Variants in CSMD3 observed in about 807,000 individuals in gnomAD.
CSMD3 encodes the protein CUB and Sushi multiple domains 3, also known as CUB and sushi domain-containing protein 3.
A neutral mutation model predicts 435.2 loss-of-function variants in CSMD3; 177 were observed. That is an observed-to-expected ratio of 0.41 (90% CI 0.36 to 0.46). The LOEUF is 0.46. Among genes scored for constraint, CSMD3 ranks in the 20% least tolerant of loss-of-function variants. The pLI is 0.34. For missense variants in CSMD3, 4,265 were observed against 4,504.6 expected (o/e 0.95, Z 1.52); for synonymous variants, 1,656 against 1,520.5 (o/e 1.09, Z -2.07).
At chr8:113,270,940 C>A (rs555352358) in intron 3 of CSMD3, among the ~76,000 whole-genome samples, 2 of 150,854 alleles carry the variant, frequency 1.3e-5, no homozygotes, top group African/African-American at 4.9e-5. Context: ...CAAACTTGCA[C>A]GTTGTGCACA....
chr8:113,032,533 G>A (rs1196103098), intron 5 of CSMD3, among the ~76,000 whole-genome samples: 2 of 151,590 alleles, frequency 1.3e-5, no homozygotes, highest in African/African-American at 4.8e-5. Context: ...AAGCATTCAA[G>A]AGGTGACCTG....
intron 16 of CSMD3, among the ~76,000 whole-genome samples, chr8:112,676,705 G>A (rs866175720): frequency 1.8e-4 from 28 of 152,088 alleles, no homozygotes; most frequent in Admixed American, 4.6e-4. Context: ...TTCAGGAACT[G>A]TTTCCTTCTG....
chr8:113,258,795 G>T (rs1046425708), intron 3 of CSMD3, among the ~76,000 whole-genome samples: 6 of 152,108 alleles, frequency 3.9e-5, no homozygotes, highest in Non-Finnish European at 8.8e-5. Context: ...GAAAGCTAGG[G>T]AACTTGTTAG....
chr8:112,923,101 C>T (rs1274106965), intron 9 of CSMD3, among the ~76,000 whole-genome samples: 5 of 152,046 alleles, frequency 3.3e-5, no homozygotes, highest in Admixed American at 3.3e-4. Context: ...ATTTTTCAGC[C>T]CTACAGTGTT....
chr8:112,457,556 T>G (rs1816963758), intron 32 of CSMD3, among the ~76,000 whole-genome samples: 1 of 152,126 alleles, frequency 6.6e-6, no homozygotes, highest in Non-Finnish European at 1.5e-5. Context: ...ATTTAAATGT[T>G]CAAGAAATGT....
At chr8:112,853,818 G>A (rs929758660) in intron 11 of CSMD3, among the ~76,000 whole-genome samples, 22 of 152,078 alleles carry the variant, frequency 1.4e-4, no homozygotes, top group Non-Finnish European at 2.9e-5. Context: ...CTTAGCTCTA[G>A]CCAACCCTTC....
At chr8:112,771,831 A>C (rs920804476) in intron 13 of CSMD3, among the ~76,000 whole-genome samples, 8 of 151,612 alleles carry the variant, frequency 5.3e-5, no homozygotes, top group African/African-American at 1.9e-4. Context: ...ATGAATAGGA[A>C]TAGAAAAAAG....
At chr8:112,625,108 T>A (rs144931569) in intron 22 of CSMD3, among the ~76,000 whole-genome samples, 140 of 152,136 alleles carry the variant, frequency 9.2e-4, no homozygotes, top group African/African-American at 3.2e-3. Context: ...GAGAAACAAA[T>A]CTGTAATGAC....
chr8:113,147,180 G>A (rs185888926), intron 4 of CSMD3, among the ~76,000 whole-genome samples: 1 of 151,616 alleles, frequency 6.6e-6, no homozygotes, highest in Non-Finnish European at 1.5e-5. Context: ...AGAAATAAAA[G>A]GAATATTATT....
intron 43 of CSMD3, among the ~76,000 whole-genome samples, chr8:112,337,276 G>A (rs536722078): frequency 6.6e-6 from 1 of 152,154 alleles, no homozygotes; most frequent in South Asian, 2.1e-4. Flanking sequence ...AAACCCACAT[G>A]CACCCCCTTC....
intron 5 of CSMD3, among the ~76,000 whole-genome samples, chr8:113,039,336 C>T (rs1213899532): frequency 6.6e-6 from 1 of 152,064 alleles, no homozygotes; most frequent in Admixed American, 6.5e-5. Flanking sequence ...ATATAACCTA[C>T]TTTCAGATAA....
Position 112,265,587 on chromosome 8 carries a change from A to T in CSMD3, c.9512T>A (p.Ile3171Asn), listed in dbSNP as rs927593892. The T allele has an allele frequency of 6.2e-7, 1 of 1,610,486 alleles. No homozygotes were observed. The highest frequency in any genetic ancestry group is 8.5e-7 in the Non-Finnish European group (1 of 1,176,810). ...TGGTATACCTGGGTCTCCACAACTG[A>T]TTACTGTCAGTATTGGATTAGAAGA... is the stretch of plus-strand genomic sequence containing the variant. ...WSGTLPNCTI[I>N]SCGDPGIPAN... The change falls in exon 60 of 71, where the codon ATC becomes AAC. Residue 3171 changes from isoleucine to asparagine, a missense_variant. Physicochemically the swap from Ile to Asn is moderately radical, Grantham distance 149. Transcript: ENST00000297405.
intron 27 of CSMD3, among the ~76,000 whole-genome samples, chr8:112,540,909 G>T (rs1199693460): frequency 6.6e-6 from 1 of 152,000 alleles, no homozygotes. Context: ...AAAATAGCTA[G>T]AAGAGAATAT....
Position 113,013,290 on chromosome 8 carries a change from T to A in CSMD3, c.1030+5777A>T, listed in dbSNP as rs73349963. ...AAATATAAAGCCTAGTGTTTTATCTTTTTAACTGTAGCTCCTGGATTCAAA... is the reference window on the plus strand; with the variant it reads ...AAATATAAAGCCTAGTGTTTTATCTATTTAACTGTAGCTCCTGGATTCAAA... On this transcript the variant is annotated intron_variant, in intron 6 of 70. Transcript: ENST00000297405. 3.5e-3 allele frequency among the ~76,000 whole-genome samples: 537 copies of A among 152,234 alleles called. 3 individuals carry two copies. Among genetic ancestry groups the A allele is most frequent in the African/African-American group, 0.012 (502 of 41,568 alleles).
intron 45 of CSMD3, among the ~76,000 whole-genome samples, chr8:112,332,182 A>G (rs975126360): frequency 2.6e-5 from 4 of 152,170 alleles, no homozygotes; most frequent in African/African-American, 7.2e-5. Context: ...ACAGTCAATA[A>G]ACTCCTAAGG....
intron 13 of CSMD3, among the ~76,000 whole-genome samples, chr8:112,701,593 T>C (rs4876487): frequency 0.33 from 50,656 of 151,938 alleles, 9,338 homozygotes; most frequent in African/African-American, 0.5. Context: ...GATGGTCATA[T>C]TAATTTTAAG....
At chr8:112,806,797 C>A (rs185017534) in intron 12 of CSMD3, among the ~76,000 whole-genome samples, 5 of 152,186 alleles carry the variant, frequency 3.3e-5, no homozygotes, top group African/African-American at 1.2e-4. Flanking sequence ...CACTACTTCA[C>A]TGATAACATA....
intron 13 of CSMD3, among the ~76,000 whole-genome samples, chr8:112,726,535 A>G (rs111336182): frequency 2.0e-5 from 3 of 152,006 alleles, no homozygotes; most frequent in African/African-American, 7.2e-5. Context: ...AGAGAAGATC[A>G]TATATTTTTC....
intron 7 of CSMD3, among the ~76,000 whole-genome samples, chr8:112,968,462 T>C (rs1259457471): frequency 6.6e-6 from 1 of 151,628 alleles, no homozygotes; most frequent in African/African-American, 2.4e-5. Flanking sequence ...ACAATCTATA[T>C]TTGAAAAAAA....
Sources: gnomAD v4.1 joint callset for allele counts (sites outside exome capture counted in the v4.1 genomes callset) on GRCh38, gnomAD v4.1.1 for gene constraint, MANE v1.5 for transcripts, NCBI Gene and HGNC (gene_info 2026-07-23, HGNC 2026-07-21) for gene names.